Variants in CCDC191 observed in about 807,000 individuals in gnomAD.
The protein encoded by CCDC191 is coiled-coil domain containing 191.
Under a neutral mutation model 114.0 loss-of-function variants are expected in CCDC191, and 99 were observed. The observed-to-expected ratio is 0.87, with a 90% CI of 0.74 to 1.03. The LOEUF is 1.03. Among genes scored for constraint, CCDC191 ranks in the 50% least tolerant of loss-of-function variants. CCDC191 has a pLI of 0.00. For synonymous variants in CCDC191, 351 were observed against 376.0 expected, an observed-to-expected ratio of 0.93 and a Z score of 0.77; for missense variants, 973 against 1,087.0, an observed-to-expected ratio of 0.90 and a Z score of 1.47.
chr3:114,006,092 G>A, intron 9 of CCDC191, 130 bp from the exon 10 acceptor site: 1 of 834,216 alleles, frequency 1.2e-6, no homozygotes, highest in Non-Finnish European at 2.0e-6. Context: ...GGTGGTCTGT[G>A]CTCCTGGCCT....
At chr3:114,018,115 G>T (rs2107697333) in intron 8 of CCDC191, among the ~76,000 whole-genome samples, 1 of 152,310 alleles carries the variant, frequency 6.6e-6, no homozygotes, top group South Asian at 2.1e-4. Flanking sequence ...ACTTTGGCAG[G>T]TTGGCCCTCC....
At chr3:113,979,296 C>T (rs562654621) in intron 14 of CCDC191, among the ~76,000 whole-genome samples, 1 of 152,284 alleles carries the variant, frequency 6.6e-6, no homozygotes, top group Non-Finnish European at 1.5e-5. Context: ...CTTCACTTCC[C>T]CTGAGTTTTG....
At chr3:113,970,459 C>CTGGAT (rs944308117) in intron 16 of CCDC191, among the ~76,000 whole-genome samples, 5 of 152,068 alleles carry the variant, frequency 3.3e-5, no homozygotes, top group African/African-American at 1.2e-4. Context: ...CACATCTGGC[C>CTGGAT]TGGATGCCCT....
intron 16 of CCDC191, among the ~76,000 whole-genome samples, chr3:113,965,814 T>C (rs761209883): frequency 1.3e-5 from 2 of 152,014 alleles, no homozygotes; most frequent in Non-Finnish European, 2.9e-5. Context: ...AGGCTGGTCT[T>C]GAACTCCTGG....
rs1020335606 is a variant in CCDC191 at position 114,018,774 on chromosome 3, T to G, written c.1067A>C (p.Gln356Pro). The change falls in exon 8 of 17, where the codon CAG becomes CCG. Residue 356 changes from glutamine (Q) to proline (P), a missense_variant. Physicochemically the swap from Gln to Pro is moderately conservative, Grantham distance 76. Coordinates refer to ENST00000295878, the MANE Select transcript of CCDC191 (RefSeq NM_020817.2). ...TCTCCAGGCCCGCAGGACCTTCAGC[T>G]GAATCTTCCAGTCAGACAGGGTCCC... ...KAGTLSDWKI[Q>P]LKVLRAWRDY... The G allele has an allele frequency of 1.5e-5, 24 of 1,613,658 alleles. No individual in the cohort carries two copies. The highest frequency in any genetic ancestry group is 1.9e-5 in the Non-Finnish European group (23 of 1,179,856).
chr3:114,010,650 G>A, intron 9 of CCDC191, 122 bp downstream of exon 9: 1 of 825,454 alleles, frequency 1.2e-6, no homozygotes, highest in Non-Finnish European at 1.9e-6. Flanking sequence ...GAAAGGTAGT[G>A]CATTGAGGCA....
At chr3:114,002,643 A>G (rs1577392359) in intron 11 of CCDC191, 105 bp from the exon 12 acceptor site, 5 of 1,268,286 alleles carry the variant, frequency 3.9e-6, no homozygotes, top group Non-Finnish European at 5.3e-6. Context: ...TGTTATTATT[A>G]GGGTTTTCTT....
At chr3:113,996,251 T>C (rs979956642) in intron 13 of CCDC191, among the ~76,000 whole-genome samples, 1 of 152,206 alleles carries the variant, frequency 6.6e-6, no homozygotes, top group Non-Finnish European at 1.5e-5. Context: ...GGGTTTTACA[T>C]TTAAATCTTT....
intron 8 of CCDC191, 76 bp from the exon 9 acceptor site, chr3:114,011,097 A>G (rs1057476872): frequency 1.4e-6 from 2 of 1,463,864 alleles, no homozygotes; most frequent in Non-Finnish European, 1.8e-6. Flanking sequence ...ATGAAACATA[A>G]GTCCAAAAGG....
chr3:114,010,743 G>A, intron 9 of CCDC191, 29 bp downstream of exon 9: 2 of 1,573,096 alleles, frequency 1.3e-6, no homozygotes, highest in Non-Finnish European at 1.7e-6. Context: ...TCAAATGCAA[G>A]TGTTTACTAA....
At chr3:114,036,466 T>C (rs1423056988) in intron 5 of CCDC191, 142 bp downstream of exon 5, 1 of 481,650 alleles carries the variant, frequency 2.1e-6, no homozygotes, top group Non-Finnish European at 3.6e-6. Flanking sequence ...GAAGTTCTTA[T>C]ATTTTATTTT....
Position 113,978,570 on chromosome 3 carries a change from T to C in CCDC191, c.2461-239A>G, listed in dbSNP as rs936055299. On this transcript the variant is annotated intron_variant, in intron 15 of 16. Coordinates refer to ENST00000295878, the MANE Select transcript of CCDC191 (RefSeq NM_020817.2). ...TTGAAGGGGTAAGTTTCTAAATCAC[T>C]TGAGCACTGTGAGACAAGAAACAAG... 3 of 590,136 alleles carry C rather than the reference T, an allele frequency of 5.1e-6. No homozygotes were observed. In the East Asian group the frequency reaches 8.5e-5, roughly 17 times the overall value. 36.6% of individuals were successfully genotyped at this position (590,136 alleles called of 1,614,324 possible).
At chr3:114,004,802 C>T in intron 10 of CCDC191, 56 bp from the exon 11 acceptor site, 1 of 1,564,038 alleles carries the variant, frequency 6.4e-7, no homozygotes, top group Non-Finnish European at 8.6e-7. Flanking sequence ...CCTTCAAACT[C>T]CTTTGACCTG....
intron 2 of CCDC191, among the ~76,000 whole-genome samples, chr3:114,049,358 GA>G (rs2076671044): frequency 6.6e-6 from 1 of 152,214 alleles, no homozygotes; most frequent in African/African-American, 2.4e-5. Context: ...TTCTGAGACA[GA>G]AAGATGAATT....
At chr3:114,049,500 T>C (rs2076673829) in intron 2 of CCDC191, among the ~76,000 whole-genome samples, 1 of 152,248 alleles carries the variant, frequency 6.6e-6, no homozygotes, top group South Asian at 2.1e-4. Flanking sequence ...CTTGACTTAG[T>C]TCCTCAGGCC....
At chr3:114,045,593 A>C (rs777677958) in intron 3 of CCDC191, among the ~76,000 whole-genome samples, 2 of 151,970 alleles carry the variant, frequency 1.3e-5, no homozygotes, top group Non-Finnish European at 2.9e-5. Flanking sequence ...AAACCCTTCA[A>C]TTCTATCCTG....
At chr3:113,974,726 T>C (rs962544241) in intron 16 of CCDC191, among the ~76,000 whole-genome samples, 6 of 152,170 alleles carry the variant, frequency 3.9e-5, no homozygotes, top group Admixed American at 3.9e-4. Context: ...GTGGGTATGT[T>C]TGATTAGAGA....
Position 114,003,266 on chromosome 3 carries a change from G to A in CCDC191, c.1979-728C>T, listed in dbSNP as rs1010361133. 3.0e-6 allele frequency: 3 copies of A among 985,422 alleles called. No homozygotes were observed. In the South Asian group the frequency reaches 1.4e-4, roughly 46 times the overall value. The allele number at this position is 985,422 out of a possible 1,614,324, so 61.0% of individuals were successfully genotyped here. A position where few individuals can be genotyped will look rare whatever the true frequency, so the allele number is the denominator to read the frequency against. On this transcript the variant is annotated intron_variant, in intron 11 of 16. Coordinates refer to ENST00000295878, the MANE Select transcript of CCDC191 (RefSeq NM_020817.2). ...AGGAAGAGGGGCATGGATGGGAGGA[G>A]TATCAAGTTCTGCTCACCTAAGCCA...
At chr3:114,056,568 A>G (rs1214969953), upstream of CCDC191, 1 of 1,602,844 alleles carries the variant, frequency 6.2e-7, no homozygotes, top group South Asian at 1.1e-5. Context: ...TCCGCCCGCA[A>G]GGAAAGCAGG....
Sources: gnomAD v4.1 joint callset for allele counts (sites outside exome capture counted in the v4.1 genomes callset) on GRCh38, gnomAD v4.1.1 for gene constraint, MANE v1.5 for transcripts, NCBI Gene and HGNC (gene_info 2026-07-23, HGNC 2026-07-21) for gene names.